Variants in SYN3 observed in about 807,000 individuals in gnomAD.
SYN3 encodes the protein synapsin III, also known as synapsin-3.
In SYN3, 35 loss-of-function variants were observed where a neutral mutation model predicts 65.8. The ratio of observed to expected loss-of-function variants is 0.53; its 90% CI spans 0.41 to 0.70. The LOEUF (loss-of-function observed/expected upper bound fraction) is 0.70, where lower values mean the gene tolerates loss of function less well. SYN3 is among the 30% of genes least tolerant of loss of function. The probability of loss-of-function intolerance (pLI) is 0.00; values close to 1 mark genes in which losing one functional copy is unlikely to be tolerated. For synonymous variants in SYN3, 270 were observed against 292.9 expected, an observed-to-expected ratio of 0.92 and a Z score of 0.80; for missense variants, 680 against 749.0, an observed-to-expected ratio of 0.91 and a Z score of 1.08.
At chr22:32,638,423 C>T (rs1467483174) in intron 6 of SYN3, among the ~76,000 whole-genome samples, 1 of 152,178 alleles carries the variant, frequency 6.6e-6, no homozygotes. Flanking sequence ...TTTACATTCC[C>T]ACAGACAGTG....
intron 6 of SYN3, among the ~76,000 whole-genome samples, chr22:32,804,378 G>T (rs1484678826): frequency 6.6e-6 from 1 of 152,164 alleles, no homozygotes; most frequent in Non-Finnish European, 1.5e-5. Context: ...TTCCAGTCTG[G>T]GTTGAAACTG....
At chr22:32,716,311 C>T (rs1205385951) in intron 6 of SYN3, among the ~76,000 whole-genome samples, 1 of 151,986 alleles carries the variant, frequency 6.6e-6, no homozygotes, top group Non-Finnish European at 1.5e-5. Flanking sequence ...GCCTGTGTGT[C>T]ATTCAGAGGG....
Position 32,837,062 on chromosome 22 carries a change from C to A in SYN3, c.711+27853G>T, listed in dbSNP as rs1456901587. 1.3e-5 allele frequency among the ~76,000 whole-genome samples: 2 copies of A among 152,186 alleles called. No homozygotes were observed. Among genetic ancestry groups the A allele is most frequent in the Non-Finnish European group, 2.9e-5 (2 of 68,036 alleles). On this transcript the variant is annotated intron_variant, in intron 6 of 13. Coordinates refer to ENST00000358763, the MANE Select transcript of SYN3 (RefSeq NM_003490.4). This position sits in a 1 kb window ranked among gnomAD's most constrained non-coding sequence, Gnocchi z 4.1. The stretch of plus-strand genomic sequence containing the variant: ...AGGCCTATCCCAGAGTCCCTCAGCT[C>A]TCCTAGCAAACAAAATCCCAATTAG...
Position 32,513,732 on chromosome 22 carries a change from C to A in SYN3, c.1703G>T (p.Arg568Leu), listed in dbSNP as rs753833714. The change falls in exon 14 of 14, where the codon CGC (arginine) becomes CTC (leucine). Residue 568 changes from arginine to leucine, a missense_variant. By Grantham distance (102) the Arg-to-Leu change is moderately radical (BLOSUM62 -2). Coordinates refer to ENST00000358763, the MANE Select transcript of SYN3 (RefSeq NM_003490.4). ...GCTGGCAAAAGACTTCCTCAGGTTG[C>A]GGATGGTTTCAGCCTTGGCCTCGTC... ...SEDEAKAETI[R>L]NLRKSFASLF... is the part of the protein sequence containing the mutation. The A allele has an allele frequency of 4.3e-6, 7 of 1,614,040 alleles. No homozygotes were observed. Among genetic ancestry groups the A allele is most frequent in the Non-Finnish European group, 5.1e-6 (6 of 1,180,034 alleles).
intron 6 of SYN3, among the ~76,000 whole-genome samples, chr22:32,816,718 C>T (rs1200967508): frequency 6.6e-6 from 1 of 152,182 alleles, no homozygotes; most frequent in Non-Finnish European, 1.5e-5. Context: ...GGATCATCCT[C>T]TAATACCAAG....
At chr22:32,912,203 GAT>G in intron 4 of SYN3, among the ~76,000 whole-genome samples, 1 of 152,190 alleles carries the variant, frequency 6.6e-6, no homozygotes, top group African/African-American at 2.4e-5. Context: ...CTTTGGGCAC[GAT>G]GGAGGTCAAT....
intron 7 of SYN3, among the ~76,000 whole-genome samples, chr22:32,553,315 C>A (rs1396467801): frequency 6.6e-6 from 1 of 152,048 alleles, no homozygotes; most frequent in East Asian, 1.9e-4. Flanking sequence ...ATGCAGTGAT[C>A]ATTTTGATCC....
chr22:32,783,783 G>A (rs2046127609), intron 6 of SYN3, among the ~76,000 whole-genome samples: 2 of 152,088 alleles, frequency 1.3e-5, no homozygotes, highest in South Asian at 4.2e-4. Context: ...AGTGTCTTTT[G>A]GGGGAAACTA....
At chr22:32,806,218 C>T (rs1388596568) in intron 6 of SYN3, among the ~76,000 whole-genome samples, 1 of 151,986 alleles carries the variant, frequency 6.6e-6, no homozygotes, top group Non-Finnish European at 1.5e-5. Flanking sequence ...GAGACTGGGT[C>T]CCAGCTGGAG....
At chr22:32,753,186 G>C (rs1422847116) in intron 6 of SYN3, among the ~76,000 whole-genome samples, 3 of 152,122 alleles carry the variant, frequency 2.0e-5, no homozygotes, top group African/African-American at 7.2e-5. Flanking sequence ...CCAAACAGTA[G>C]AGCCTGCTGG....
chr22:32,545,785 T>G (rs2058328728), intron 7 of SYN3, among the ~76,000 whole-genome samples: 1 of 152,206 alleles, frequency 6.6e-6, no homozygotes, highest in African/African-American at 2.4e-5. Flanking sequence ...GGTCTTGAAC[T>G]CCTGACCTCA....
chr22:33,042,618 G>A (rs546847475), intron 1 of SYN3, among the ~76,000 whole-genome samples: 20 of 152,210 alleles, frequency 1.3e-4, no homozygotes, highest in Non-Finnish European at 2.6e-4. Context: ...CACTCTAAAG[G>A]GCAGTTGACA....
intron 4 of SYN3, among the ~76,000 whole-genome samples, chr22:32,918,666 G>A (rs1005663): frequency 0.059 from 9,032 of 152,266 alleles, 861 homozygotes; most frequent in African/African-American, 0.2. Flanking sequence ...CTGAGGAGGC[G>A]ACATGAGATC....
intron 6 of SYN3, among the ~76,000 whole-genome samples, chr22:32,699,885 C>G (rs1441081335): frequency 2.6e-5 from 4 of 152,106 alleles, no homozygotes; most frequent in Admixed American, 1.3e-4. Flanking sequence ...TCATACCGCC[C>G]AGGACATAGA....
rs1297347604 is a variant in SYN3, at chr22:32,663,295, T to C, written c.712-66559A>G. On this transcript the variant is annotated intron_variant, in intron 6 of 13. Transcript: ENST00000358763. ...TAAGCCCATTCAACTTGTTTTTCTTTTCTTTTCTTCTCTTTTTTTTTTTTT... is the reference window on the plus strand; with the variant it reads ...TAAGCCCATTCAACTTGTTTTTCTTCTCTTTTCTTCTCTTTTTTTTTTTTT... 2.8e-5 allele frequency among the ~76,000 whole-genome samples: 4 copies of C among 143,512 alleles called. No individual in the cohort carries two copies. The East Asian group carries it at 1.0e-3, about 37-fold the overall frequency. The allele number at this position is 143,512 out of a possible 152,430, so 94.1% of individuals were successfully genotyped here.
intron 2 of SYN3, among the ~76,000 whole-genome samples, chr22:32,992,461 G>T (rs978922202): frequency 6.6e-6 from 1 of 152,154 alleles, no homozygotes; most frequent in African/African-American, 2.4e-5. Flanking sequence ...AGGTGGGAGC[G>T]TCATGAAACA....
chr22:32,730,185 A>G (rs935086602), intron 6 of SYN3, among the ~76,000 whole-genome samples: 1 of 152,250 alleles, frequency 6.6e-6, no homozygotes, highest in African/African-American at 2.4e-5. Flanking sequence ...AACCATTGTA[A>G]TGGTGGCTAC....
At chr22:32,988,728 G>C (rs1337862808) in intron 2 of SYN3, among the ~76,000 whole-genome samples, 1 of 152,124 alleles carries the variant, frequency 6.6e-6, no homozygotes, top group Non-Finnish European at 1.5e-5. Flanking sequence ...TCCAATGTTT[G>C]GTACCTAGTC....
At position 32,836,471 on chromosome 22, in the gene SYN3, C is replaced by T. The variant is rs542391963; in HGVS notation, c.711+28444G>A. ...TACCCACTTTGACCAAAGAGGGCAG[C>T]AGTTAGCATTCTTTACTTATTTATT... On this transcript the variant is annotated intron_variant, in intron 6 of 13. Coordinates refer to ENST00000358763, the MANE Select transcript of SYN3 (RefSeq NM_003490.4). 3.3e-5 allele frequency among the ~76,000 whole-genome samples: 5 copies of T among 152,350 alleles called. No individual in the cohort carries two copies. The East Asian group carries it at 9.6e-4, about 29-fold the overall frequency.
Sources: allele counts gnomAD v4.1 joint callset (sites outside exome capture counted in the v4.1 genomes callset), GRCh38; gene constraint gnomAD v4.1.1; non-coding constraint Gnocchi (gnomAD v3.1); transcripts MANE v1.5; gene names NCBI Gene and HGNC (gene_info 2026-07-23, HGNC 2026-07-21).